TTLL12: variants seen among roughly 807,000 people sequenced by gnomAD.
TTLL12 encodes the protein tubulin tyrosine ligase like 12.
TTLL12 carries 77 observed loss-of-function variants against 79.6 expected under a neutral mutation model. The observed-to-expected ratio is 0.97, with a 90% CI of 0.81 to 1.17. TTLL12 has a LOEUF of 1.17. TTLL12 is among the 50% of genes most tolerant of loss of function. The pLI is 0.00. For missense variants in TTLL12, 969 were observed against 895.9 expected, an observed-to-expected ratio of 1.08 and a Z score of -1.04; for synonymous variants, 437 against 376.1, an observed-to-expected ratio of 1.16 and a Z score of -1.87.
At chr22:43,178,627 C>T (rs1048584402) in intron 5 of TTLL12, among the ~76,000 whole-genome samples, 23 of 152,238 alleles carry the variant, frequency 1.5e-4, no homozygotes, top group Admixed American at 5.9e-4. Flanking sequence ...AGCCTCCACG[C>T]GCCCACTCTC....
chr22:43,179,776 T>C (rs1047890765), intron 4 of TTLL12, 24 bp from the exon 5 acceptor site: 3 of 1,550,366 alleles, frequency 1.9e-6, no homozygotes, highest in Admixed American at 1.9e-5. Context: ...TGAGTGCCCA[T>C]CAGAGGGGGT....
chr22:43,169,456 G>A (rs746366349), intron 12 of TTLL12, 44 bp downstream of exon 12: 1 of 1,518,200 alleles, frequency 6.6e-7, no homozygotes, highest in South Asian at 1.3e-5. Context: ...CCCAGCCCGG[G>A]ACCCGCCCCA....
chr22:43,171,968 C>A, intron 10 of TTLL12, 68 bp from the exon 11 acceptor site: 1 of 1,365,310 alleles, frequency 7.3e-7, no homozygotes, highest in Non-Finnish European at 1.0e-6. Flanking sequence ...GAGGTGCCAC[C>A]CACTCAGCCT....
intron 1 of TTLL12, among the ~76,000 whole-genome samples, chr22:43,184,171 C>T (rs35670575): frequency 0.071 from 10,803 of 152,314 alleles, 535 homozygotes; most frequent in Non-Finnish European, 0.11. Flanking sequence ...AAAGTCCTGG[C>T]GCACAGTGGA....
intron 11 of TTLL12, 91 bp from the exon 12 acceptor site, chr22:43,169,659 G>A (rs924293100): frequency 2.1e-6 from 3 of 1,397,044 alleles, no homozygotes; most frequent in African/African-American, 2.8e-5. Context: ...AGGAGCTTCT[G>A]ACACTGGGTG....
intron 6 of TTLL12, 52 bp downstream of exon 6, chr22:43,176,268 G>C: frequency 7.5e-7 from 1 of 1,329,368 alleles, no homozygotes. Flanking sequence ...AAGCATGGGA[G>C]GCGGGGACTG....
intron 1 of TTLL12, among the ~76,000 whole-genome samples, chr22:43,184,375 TAA>T (rs1282427870): frequency 1.3e-5 from 2 of 152,208 alleles, no homozygotes; most frequent in Non-Finnish European, 2.9e-5. Flanking sequence ...CTAGGCCACC[TAA>T]GAGTATCAGG....
chr22:43,174,383 GGC>G lies in TTLL12; in HGVS notation c.1053_1054del (p.Arg351SerfsTer45). 6.4e-7 allele frequency: 1 copy of G among 1,566,872 alleles called. No individual in the cohort carries two copies. The highest frequency in any genetic ancestry group is 8.7e-7 in the Non-Finnish European group (1 of 1,151,822). ...GGGGAACTGGTTCAGCAGCACGCCT[GGC>G]CTCTCCTGGCTGAGTTTCCTGCAGG... On this transcript the variant is annotated frameshift_variant, in exon 8 of 14. Transcript: ENST00000216129. LOFTEE classifies it high-confidence loss of function.
chr22:43,181,963 G>C (rs1932067918), intron 2 of TTLL12, among the ~76,000 whole-genome samples: 1 of 152,182 alleles, frequency 6.6e-6, no homozygotes. Context: ...TGGAGAGCTT[G>C]TTAGGGCCTG....
At chr22:43,186,872 G>C in intron 1 of TTLL12, 21 bp downstream of exon 1, 2 of 1,256,288 alleles carry the variant, frequency 1.6e-6, no homozygotes, top group Non-Finnish European at 2.0e-6. Flanking sequence ...CGCCGCACGT[G>C]CCCGCCGCCC....
At chr22:43,173,160 C>G (rs931055666) in intron 9 of TTLL12, among the ~76,000 whole-genome samples, 1 of 152,196 alleles carries the variant, frequency 6.6e-6, no homozygotes, top group Non-Finnish European at 1.5e-5. Flanking sequence ...ATCCTGTGTC[C>G]TGCAATCCCA....
chr22:43,182,398 G>A (rs1031577974), intron 2 of TTLL12, among the ~76,000 whole-genome samples: 3 of 152,322 alleles, frequency 2.0e-5, no homozygotes, highest in East Asian at 1.9e-4. Context: ...AGAGCTGTGC[G>A]TGGACACAGG....
At chr22:43,174,465 C>A (rs770902732) in intron 7 of TTLL12, 34 bp downstream of exon 7, 1 of 1,581,238 alleles carries the variant, frequency 6.3e-7, no homozygotes, top group Admixed American at 1.7e-5. Context: ...GAAGCCCTGA[C>A]TGGGAGGGCC....
chr22:43,171,312 G>A (rs1931758689), intron 11 of TTLL12, among the ~76,000 whole-genome samples: 1 of 152,210 alleles, frequency 6.6e-6, no homozygotes, highest in Non-Finnish European at 1.5e-5. Context: ...TGAGCTCCAG[G>A]TGCTCAGATG....
chr22:43,178,722 G>A (rs1433497582), intron 5 of TTLL12, among the ~76,000 whole-genome samples: 2 of 152,188 alleles, frequency 1.3e-5, no homozygotes, highest in South Asian at 2.1e-4. Context: ...GACTTCAGTC[G>A]CCGTGGGGGC....
chr22:43,176,984 G>A (rs1931932228), intron 5 of TTLL12, among the ~76,000 whole-genome samples: 1 of 152,174 alleles, frequency 6.6e-6, no homozygotes, highest in Non-Finnish European at 1.5e-5. Flanking sequence ...ATCGCAGGGG[G>A]CGAGAAGGTG....
Position 43,174,507 on chromosome 22 carries a change from C to T in TTLL12, c.1026G>A (p.Lys342=). ...GCCAGAGGTGCCCTCACCTGTAGTC[C>T]TTGAAGTGTGAGAAGTTGAAGAGGA... ...ADILFNFSHF[K]DYRKLSQERP... The change falls in exon 7 of 14, where the codon AAG becomes AAA. Residue 342 remains lysine, a synonymous_variant. Transcript: ENST00000216129. 6.2e-7 allele frequency: 1 copy of T among 1,611,170 alleles called. No individual in the cohort carries two copies.
intron 9 of TTLL12, among the ~76,000 whole-genome samples, chr22:43,173,298 A>G (rs777291563): frequency 2.6e-5 from 4 of 152,136 alleles, no homozygotes; most frequent in Non-Finnish European, 5.9e-5. Flanking sequence ...GAACTTTGCG[A>G]TTAGACGCAC....
intron 13 of TTLL12, 82 bp from the exon 14 acceptor site, chr22:43,168,241 G>A: frequency 1.3e-6 from 2 of 1,547,082 alleles, no homozygotes; most frequent in Non-Finnish European, 1.8e-6. Flanking sequence ...TCCAGCAAAG[G>A]CTGGGAGGCC....
Sources: allele counts gnomAD v4.1 joint callset (sites outside exome capture counted in the v4.1 genomes callset), GRCh38; gene constraint gnomAD v4.1.1; transcripts MANE v1.5; gene names NCBI Gene and HGNC (gene_info 2026-07-23, HGNC 2026-07-21).